The following ZNF695 variants were observed in gnomAD, a reference collection of about 807,000 sequenced individuals.
ZNF695 encodes the protein zinc finger protein SBZF3.
ZNF695 carries 11 observed loss-of-function variants against 11.2 expected under a neutral mutation model. The ratio of observed to expected loss-of-function variants is 0.98; its 90% CI spans 0.62 to 1.62. ZNF695 has a LOEUF of 1.62. Ranked by LOEUF, ZNF695 falls within the 40% of genes most tolerant of loss-of-function variation. The probability of loss-of-function intolerance (pLI) is 0.00; values close to 1 mark genes in which losing one functional copy is unlikely to be tolerated. For synonymous variants in ZNF695, 190 were observed against 201.4 expected, an observed-to-expected ratio of 0.94 and a Z score of 0.48; for missense variants, 559 against 590.5, an observed-to-expected ratio of 0.95 and a Z score of 0.55.
intron 1 of ZNF695, among the ~76,000 whole-genome samples, chr1:247,007,228 G>A (rs533090016): frequency 2.6e-5 from 4 of 152,212 alleles, no homozygotes; most frequent in Admixed American, 2.6e-4. Context: ...AAAGGAGACC[G>A]GGCGCGGTGG....
chr1:246,976,604 C>A (rs1050962040), intron 4 of ZNF695, among the ~76,000 whole-genome samples: 9 of 151,736 alleles, frequency 5.9e-5, no homozygotes, highest in African/African-American at 1.2e-4. Flanking sequence ...ACCATCCTGG[C>A]TAACACGGTG....
rs1668869016 is a variant in ZNF695, at chr1:246,986,985, A to C, written c.1530T>G (p.His510Gln). Residue 510 changes from histidine (H) to glutamine (Q), a missense_variant, in exon 4 of 4, where the codon CAT becomes CAG. Coordinates refer to ENST00000339986, the MANE Select transcript of ZNF695 (RefSeq NM_020394.5). ...AFNHSAQLAVHEKTHT is the reference protein window; with the variant it reads ...AFNHSAQLAVQEKTHT ...GTTTTTCTCAGGTATGAGTTTTCTC[A>C]TGTACAGCAAGTTGTGCAGAGTGGT... 6.3e-7 allele frequency: 1 copy of C among 1,584,488 alleles called. No homozygotes were observed. The highest frequency in any genetic ancestry group is 8.6e-7 in the Non-Finnish European group (1 of 1,168,672).
In ZNF695 at chr1:247,002,333, G is replaced by A. The variant is rs2642958; in HGVS notation, c.4-2259C>T. 2.6e-3 allele frequency among the ~76,000 whole-genome samples: 402 copies of A among 152,222 alleles called. 2 individuals carry two copies. The highest frequency in any genetic ancestry group is 9.2e-3 in the African/African-American group (384 of 41,542). On this transcript the variant is annotated intron_variant, in intron 1 of 3. Transcript: ENST00000339986. ...ATAAAAAAAAAGATACCGCATCCCA[G>A]AATCTCTTGGACAGAGCTAAAGCAA...
chr1:246,996,184 A>G (rs1320899401), intron 3 of ZNF695: 2 of 336,872 alleles, frequency 5.9e-6, no homozygotes, highest in Non-Finnish European at 1.1e-5. Flanking sequence ...CGTCTCTACT[A>G]AAAATACAAA....
intron 5 of ZNF695, among the ~76,000 whole-genome samples, chr1:246,958,449 C>G (rs1013354237): frequency 2.6e-5 from 4 of 152,026 alleles, no homozygotes; most frequent in African/African-American, 4.8e-5. Context: ...AATGAAGAAA[C>G]CTCCATTTAT....
chr1:246,988,933 T>C (rs572877433), intron 3 of ZNF695, among the ~76,000 whole-genome samples: 52 of 150,820 alleles, frequency 3.4e-4, no homozygotes, highest in Non-Finnish European at 6.5e-4. Flanking sequence ...TACTAAAAAA[T>C]ACAAAAAAAA....
At chr1:246,956,425 G>A (rs1339769368) in intron 5 of ZNF695, among the ~76,000 whole-genome samples, 2 of 150,352 alleles carry the variant, frequency 1.3e-5, no homozygotes, top group Non-Finnish European at 3.0e-5. Flanking sequence ...AGACCAGCCT[G>A]GCCAACATGG....
intron 4 of ZNF695, among the ~76,000 whole-genome samples, chr1:246,969,882 A>G (rs1668382205): frequency 6.6e-6 from 1 of 152,196 alleles, no homozygotes; most frequent in Non-Finnish European, 1.5e-5. Context: ...ACTTACTATC[A>G]CGAGAACAGC....
At chr1:246,992,067 G>A (rs1240165055) in intron 3 of ZNF695, among the ~76,000 whole-genome samples, 3 of 152,098 alleles carry the variant, frequency 2.0e-5, no homozygotes, top group Non-Finnish European at 2.9e-5. Context: ...GGGAGGCTGA[G>A]ACGGGAGAAC....
chr1:246,956,580 C>T (rs905424724), intron 5 of ZNF695, among the ~76,000 whole-genome samples: 1 of 152,086 alleles, frequency 6.6e-6, no homozygotes, highest in African/African-American at 2.4e-5. Context: ...TGTGCCGCTG[C>T]ACTCCAGCCT....
At position 246,964,885 on chromosome 1, in the gene ZNF695, T is replaced by C. The variant is rs556601259; in HGVS notation, c.488+2810A>G. Among the ~76,000 whole-genome samples, 6 of 151,458 alleles carry C rather than the reference T, an allele frequency of 4.0e-5. No homozygotes were observed. The South Asian group carries it at 1.3e-3, about 32-fold the overall frequency. ...GTGAGACTCTGTCTCAAAAAAAAATTTAATAAAAAATAAATTAGAAAATAA... is the reference window on the plus strand; with the variant it reads ...GTGAGACTCTGTCTCAAAAAAAAATCTAATAAAAAATAAATTAGAAAATAA... On this transcript the variant is annotated intron_variant, in intron 5 of 5. Coordinates refer to the ZNF695 transcript ENST00000487338.
intron 3 of ZNF695, among the ~76,000 whole-genome samples, chr1:246,992,961 TG>T (rs1179819136): frequency 6.6e-6 from 1 of 152,202 alleles, no homozygotes; most frequent in Non-Finnish European, 1.5e-5. Context: ...GAGTACTGAA[TG>T]GAATGATGGT....
chr1:247,000,239 G>A (rs1299515311), intron 1 of ZNF695, among the ~76,000 whole-genome samples, 165 bp from the exon 2 acceptor site: 1 of 152,186 alleles, frequency 6.6e-6, no homozygotes, highest in Non-Finnish European at 1.5e-5. Flanking sequence ...GGGCGCGGCG[G>A]CTCACACCTG....
intron 5 of ZNF695, among the ~76,000 whole-genome samples, chr1:246,955,985 ATTTTTT>A (rs74163714): frequency 3.1e-4 from 41 of 132,052 alleles, no homozygotes; most frequent in Non-Finnish European, 5.4e-4. Context: ...TTTGGATTGG[ATTTTTT>A]TTTTTTTTTT....
At position 246,994,699 on chromosome 1, in the gene ZNF695, T is replaced by C. The variant is rs576989406; in HGVS notation, c.259+4649A>G. Among the ~76,000 whole-genome samples, 13 of 151,848 alleles carry C rather than the reference T, an allele frequency of 8.6e-5. No homozygotes were observed. In the South Asian group the frequency reaches 2.5e-3, roughly 29 times the overall value. The stretch of plus-strand genomic sequence containing the variant: ...AAAATTACAAAAAATTAGCTGGGCA[T>C]GGTGGAGGGCGTCTGTAGTCCCAGC... On this transcript the variant is annotated intron_variant, in intron 3 of 3. Transcript: ENST00000339986.
At chr1:246,989,937 G>A (rs1321693040) in intron 3 of ZNF695, among the ~76,000 whole-genome samples, 1 of 152,082 alleles carries the variant, frequency 6.6e-6, no homozygotes, top group Non-Finnish European at 1.5e-5. Context: ...GGAGGCAGAG[G>A]TTGCAGTGAG....
chr1:246,969,159 T>G (rs540180741), intron 4 of ZNF695: 21 of 152,356 alleles, frequency 1.4e-4, no homozygotes, highest in African/African-American at 5.1e-4. Flanking sequence ...CCCTTTTAAA[T>G]GTAAGTTCCA....
downstream of ZNF695, among the ~76,000 whole-genome samples, chr1:246,981,030 ATAAGAACT>A (rs1267648073): frequency 5.3e-5 from 8 of 152,246 alleles, no homozygotes; most frequent in Admixed American, 5.2e-4. Flanking sequence ...TTGAAAATAC[ATAAGAACT>A]TAAACTATAT....
rs1256319485 is a variant in ZNF695 at position 246,977,728 on chromosome 1, CAAAGA to C, written c.391-9941_391-9937del. On this transcript the variant is annotated intron_variant, in intron 4 of 5. Transcript: ENST00000487338. ...GTAGCAATTAGTTTGCGTTCAGCTACAAAGAAAAGACTTTTGTATAGTATCAGAAC... is the reference window on the plus strand; with the variant it reads ...GTAGCAATTAGTTTGCGTTCAGCTACAAAGACTTTTGTATAGTATCAGAAC... Among the ~76,000 whole-genome samples the C allele has an allele frequency of 3.3e-5, 5 of 152,190 alleles. No individual in the cohort carries two copies. The East Asian group carries it at 9.6e-4, about 29-fold the overall frequency.
Sources: gnomAD v4.1 joint callset for allele counts (sites outside exome capture counted in the v4.1 genomes callset) on GRCh38, gnomAD v4.1.1 for gene constraint, MANE v1.5 for transcripts, NCBI Gene and HGNC (gene_info 2026-07-23, HGNC 2026-07-21) for gene names.